The following SLC9A9 variants were observed in gnomAD, a reference collection of about 807,000 sequenced individuals.
The protein encoded by SLC9A9 is solute carrier family 9 member A9.
SLC9A9 carries 62 observed loss-of-function variants against 77.8 expected under a neutral mutation model. The observed-to-expected ratio is 0.80, with a 90% confidence interval of 0.65 to 0.98. SLC9A9 has a LOEUF of 0.98. Among genes scored for constraint, SLC9A9 ranks in the 50% least tolerant of loss-of-function variants. The pLI is 0.00. For missense variants in SLC9A9, 775 were observed against 774.9 expected (o/e 1.00, Z 0.00); for synonymous variants, 320 against 283.5 (o/e 1.13, Z -1.29).
At chr3:143,294,341 C>T (rs1231314610) in intron 14 of SLC9A9, among the ~76,000 whole-genome samples, 2 of 152,210 alleles carry the variant, frequency 1.3e-5, no homozygotes, top group African/African-American at 4.8e-5. Flanking sequence ...GCCTTGGTTT[C>T]TGTCTGCTTT....
intron 5 of SLC9A9, among the ~76,000 whole-genome samples, chr3:143,655,168 T>C (rs1161282747): frequency 6.6e-6 from 1 of 152,148 alleles, no homozygotes; most frequent in Non-Finnish European, 1.5e-5. Context: ...GCTTGGAGCT[T>C]TTAAAAAACT....
chr3:143,498,849 C>T (rs1265682944), intron 9 of SLC9A9, among the ~76,000 whole-genome samples: 1 of 152,086 alleles, frequency 6.6e-6, no homozygotes, highest in Admixed American at 6.6e-5. Context: ...ATCTTTGACT[C>T]AGCAATATGT....
At chr3:143,633,578 A>T (rs2038464026) in intron 6 of SLC9A9, among the ~76,000 whole-genome samples, 1 of 152,116 alleles carries the variant, frequency 6.6e-6, no homozygotes, top group Admixed American at 6.6e-5. Flanking sequence ...TATTACAATG[A>T]TACAGTGTAT....
intron 2 of SLC9A9, among the ~76,000 whole-genome samples, chr3:143,816,423 G>C (rs6792031): frequency 0.87 from 132,561 of 152,208 alleles, 58,769 homozygotes; most frequent in Middle Eastern, 0.96. Flanking sequence ...CCTAAATACC[G>C]TTTTACGTTT....
chr3:143,650,437 G>C (rs1237069018), intron 6 of SLC9A9, among the ~76,000 whole-genome samples: 2 of 152,166 alleles, frequency 1.3e-5, no homozygotes, highest in East Asian at 3.9e-4. Context: ...TAAGTGAAGA[G>C]AATGGCACAT....
At chr3:143,408,027 C>T (rs2034016719) in intron 12 of SLC9A9, among the ~76,000 whole-genome samples, 1 of 152,182 alleles carries the variant, frequency 6.6e-6, no homozygotes, top group African/African-American at 2.4e-5. Flanking sequence ...AGATGGTGGC[C>T]TTCTCATTGT....
chr3:143,535,202 C>T (rs1428632641), intron 9 of SLC9A9, among the ~76,000 whole-genome samples: 2 of 152,004 alleles, frequency 1.3e-5, no homozygotes, highest in African/African-American at 4.8e-5. Context: ...ATATTCAAGT[C>T]GAAGTAAAAT....
intron 11 of SLC9A9, among the ~76,000 whole-genome samples, chr3:143,478,036 C>T (rs1311662393): frequency 6.6e-6 from 1 of 152,170 alleles, no homozygotes; most frequent in Admixed American, 6.5e-5. Flanking sequence ...CACTTGGGGC[C>T]TTCATTTGGC....
intron 4 of SLC9A9, among the ~76,000 whole-genome samples, chr3:143,736,179 A>T (rs1934937081): frequency 6.6e-6 from 1 of 152,086 alleles, no homozygotes; most frequent in Admixed American, 6.6e-5. Flanking sequence ...CTCTGTTCCT[A>T]ACTCTCTACC....
chr3:143,392,025 CT>C (rs141261747), intron 12 of SLC9A9, among the ~76,000 whole-genome samples: 26,021 of 152,142 alleles, frequency 0.17, 2,624 homozygotes, highest in Middle Eastern at 0.25. Context: ...GGAAAACACT[CT>C]GCAGGATATT....
At chr3:143,552,942 A>G (rs2108639643) in intron 8 of SLC9A9, among the ~76,000 whole-genome samples, 1 of 152,282 alleles carries the variant, frequency 6.6e-6, no homozygotes, top group South Asian at 2.1e-4. Context: ...CAAACCTAAG[A>G]CATCCACAAG....
intron 8 of SLC9A9, among the ~76,000 whole-genome samples, chr3:143,562,520 T>C (rs1445052410): frequency 6.6e-6 from 1 of 152,044 alleles, no homozygotes; most frequent in Non-Finnish European, 1.5e-5. Context: ...ATTTTTTGAA[T>C]ACAAAACTTA....
intron 14 of SLC9A9, among the ~76,000 whole-genome samples, chr3:143,290,784 C>T (rs921334240): frequency 1.3e-5 from 2 of 152,178 alleles, no homozygotes. Context: ...CCTTTCTAAA[C>T]ACTGTGAAAA....
intron 3 of SLC9A9, among the ~76,000 whole-genome samples, chr3:143,795,411 T>C (rs1440795275): frequency 6.6e-6 from 1 of 151,940 alleles, no homozygotes; most frequent in African/African-American, 2.4e-5. Context: ...GGGGCAATAA[T>C]GGAAGACACA....
intron 13 of SLC9A9, among the ~76,000 whole-genome samples, chr3:143,367,564 T>G (rs2032945628): frequency 6.6e-6 from 1 of 152,198 alleles, no homozygotes; most frequent in South Asian, 2.1e-4. Context: ...GTGCTCTGCT[T>G]GTGCACTGAG....
At chr3:143,268,180 A>G (rs1023234064) in intron 15 of SLC9A9, among the ~76,000 whole-genome samples, 4 of 152,116 alleles carry the variant, frequency 2.6e-5, no homozygotes, top group Admixed American at 2.0e-4. Context: ...CTCTTCTCCA[A>G]TTCCCTGACC....
In SLC9A9 at chr3:143,305,137, A is replaced by C. The variant is rs577702483; in HGVS notation, c.1605-36157T>G. On this transcript the variant is annotated intron_variant, in intron 14 of 15. Coordinates refer to ENST00000316549, the MANE Select transcript of SLC9A9 (RefSeq NM_173653.4). Reference sequence around the variant, plus strand: ...CAATATCTGTTTGCTCAAGAATCTTAAATGCCAACTGATATGGGGCATCTG... The same window carrying C: ...CAATATCTGTTTGCTCAAGAATCTTCAATGCCAACTGATATGGGGCATCTG... Among the ~76,000 whole-genome samples the C allele has an allele frequency of 4.9e-4, 74 of 152,316 alleles. 1 individual carries two copies. The highest frequency in any genetic ancestry group is 5.4e-4 in the Non-Finnish European group (37 of 68,032).
chr3:143,343,222 T>TC (rs746846378), intron 14 of SLC9A9: 1 of 152,224 alleles, frequency 6.6e-6, no homozygotes, highest in African/African-American at 2.4e-5. Context: ...GATATTTTTT[T>TC]CCCACTTCTT....
intron 2 of SLC9A9, among the ~76,000 whole-genome samples, chr3:143,820,297 G>A (rs1002752860): frequency 6.6e-6 from 1 of 152,126 alleles, no homozygotes; most frequent in Non-Finnish European, 1.5e-5. Flanking sequence ...TGCTGAATTT[G>A]TTCTCATTGA....
Sources: allele counts gnomAD v4.1 joint callset (sites outside exome capture counted in the v4.1 genomes callset), GRCh38; gene constraint gnomAD v4.1.1; transcripts MANE v1.5; gene names NCBI Gene and HGNC (gene_info 2026-07-23, HGNC 2026-07-21).